Variants in CLNK observed in about 807,000 individuals in gnomAD.
CLNK encodes cytokine-dependent hematopoietic cell linker.
Under a neutral mutation model 68.6 loss-of-function variants are expected in CLNK, and 74 were observed. The ratio of observed to expected loss-of-function variants is 1.08; its 90% CI spans 0.89 to 1.31. The LOEUF (loss-of-function observed/expected upper bound fraction) is 1.31. CLNK is among the 50% of genes most tolerant of loss of function. CLNK has a pLI of 0.00. For missense variants in CLNK, 553 were observed against 515.3 expected (o/e 1.07, Z -0.71); for synonymous variants, 198 against 172.2 (o/e 1.15, Z -1.17).
Position 10,629,719 on chromosome 4 carries a change from C to G in CLNK, c.12-31670G>C, listed in dbSNP as rs115694872. On this transcript the variant is annotated intron_variant, in intron 2 of 18. Coordinates refer to ENST00000226951, the MANE Select transcript of CLNK (RefSeq NM_052964.4). The stretch of plus-strand genomic sequence containing the variant: ...TAGTTTTCAAGACAATGTCTTGCAA[C>G]TTATAGAGTTTGGGGGGAAGGCAGT... Among the ~76,000 whole-genome samples the G allele has an allele frequency of 1.7e-3, 259 of 151,858 alleles. 1 individual carries two copies. Among genetic ancestry groups the G allele is most frequent in the African/African-American group, 5.9e-3 (245 of 41,368 alleles).
At chr4:10,495,599 G>A (rs147345234) in intron 18 of CLNK, among the ~76,000 whole-genome samples, 2 of 152,166 alleles carry the variant, frequency 1.3e-5, no homozygotes, top group Non-Finnish European at 2.9e-5. Flanking sequence ...CCAGAATCTG[G>A]AATATGACCT....
At chr4:10,726,832 C>A in the CLNK span, among the ~76,000 whole-genome samples, 134 of 152,286 alleles carry the variant, frequency 8.8e-4, no homozygotes, top group Non-Finnish European at 4.6e-4. Context: ...GTGGGTATGA[C>A]AATGCCTGCT....
chr4:10,592,018 G>A (rs568275132), intron 3 of CLNK, among the ~76,000 whole-genome samples: 2 of 152,210 alleles, frequency 1.3e-5, no homozygotes, highest in South Asian at 4.1e-4. Context: ...CCTCTTGGCC[G>A]AGTGAGGCTC....
intron 14 of CLNK, chr4:10,523,860 A>G: frequency 3.4e-6 from 1 of 293,066 alleles, no homozygotes; most frequent in Non-Finnish European, 6.9e-6. Context: ...CCCCTTCTCT[A>G]CAAAGAGTAC....
intron 2 of CLNK, among the ~76,000 whole-genome samples, chr4:10,618,476 A>C (rs1722313519): frequency 1.3e-5 from 2 of 152,238 alleles, no homozygotes; most frequent in South Asian, 2.1e-4. Context: ...GAATTTACTA[A>C]AGAATCATTG....
chr4:10,600,801 A>G (rs1179621200), intron 2 of CLNK, among the ~76,000 whole-genome samples: 1 of 152,182 alleles, frequency 6.6e-6, no homozygotes, highest in African/African-American at 2.4e-5. Context: ...CCCTGCACTG[A>G]GTAGGAGCCC....
chr4:10,730,997 A>G, the CLNK span, among the ~76,000 whole-genome samples: 1 of 152,378 alleles, frequency 6.6e-6, no homozygotes, highest in South Asian at 2.1e-4. Flanking sequence ...ACATTGTGAT[A>G]CACGCATACA....
chr4:10,585,048 G>C, intron 3 of CLNK, 93 bp from the exon 4 acceptor site: 1 of 1,341,872 alleles, frequency 7.5e-7, no homozygotes, highest in Non-Finnish European at 1.1e-6. Context: ...AAACGTCATT[G>C]TACAAGTCAG....
intron 18 of CLNK, among the ~76,000 whole-genome samples, chr4:10,496,369 G>C (rs1030638640): frequency 6.6e-6 from 1 of 152,134 alleles, no homozygotes; most frequent in African/African-American, 2.4e-5. Context: ...CCTTTATCTT[G>C]TTTTAAAGAG....
At chr4:10,617,072 T>C (rs1434806251) in intron 2 of CLNK, among the ~76,000 whole-genome samples, 1 of 152,068 alleles carries the variant, frequency 6.6e-6, no homozygotes, top group Non-Finnish European at 1.5e-5. Flanking sequence ...AGTGTCTTAG[T>C]TGTACTGTGA....
chr4:10,663,861 C>T (rs553183636), intron 2 of CLNK, among the ~76,000 whole-genome samples: 3 of 152,106 alleles, frequency 2.0e-5, no homozygotes, highest in African/African-American at 7.2e-5. Context: ...GAGATTAGCA[C>T]CCTTATAAAA....
chr4:10,527,772 G>A (rs923571850), intron 13 of CLNK, among the ~76,000 whole-genome samples: 21 of 152,132 alleles, frequency 1.4e-4, no homozygotes, highest in Admixed American at 1.2e-3. Flanking sequence ...TTGGAGCAGG[G>A]GACTAGTTAT....
the CLNK span, among the ~76,000 whole-genome samples, chr4:10,708,518 C>A: frequency 6.6e-6 from 1 of 152,080 alleles, no homozygotes; most frequent in Non-Finnish European, 1.5e-5. Context: ...ATAGCATATA[C>A]AACAGCATGT....
intron 2 of CLNK, among the ~76,000 whole-genome samples, chr4:10,602,020 C>T (rs1721606148): frequency 1.3e-5 from 2 of 152,214 alleles, no homozygotes; most frequent in East Asian, 1.9e-4. Flanking sequence ...TCTGCTGAAA[C>T]AGAGCACATC....
At chr4:10,555,126 G>A (rs1719613521) in intron 8 of CLNK, among the ~76,000 whole-genome samples, 1 of 152,132 alleles carries the variant, frequency 6.6e-6, no homozygotes, top group Non-Finnish European at 1.5e-5. Context: ...TCTTTTGATG[G>A]CATTTTGTGG....
At chr4:10,662,764 A>G (rs1308029829) in intron 2 of CLNK, among the ~76,000 whole-genome samples, 2 of 152,244 alleles carry the variant, frequency 1.3e-5, no homozygotes, top group African/African-American at 4.8e-5. Flanking sequence ...AAACTAAGAC[A>G]ACTGTAGCAA....
intron 2 of CLNK, among the ~76,000 whole-genome samples, chr4:10,657,429 G>A (rs939386420): frequency 6.6e-6 from 1 of 152,124 alleles, no homozygotes; most frequent in African/African-American, 2.4e-5. Context: ...TGTTCTTTAT[G>A]CCTTATGCAT....
the CLNK span, among the ~76,000 whole-genome samples, chr4:10,695,117 C>G: frequency 6.6e-6 from 1 of 151,860 alleles, no homozygotes; most frequent in Non-Finnish European, 1.5e-5. Context: ...TTCTAGTAAG[C>G]ATGATAACTA....
At chr4:10,701,944 G>A in the CLNK span, among the ~76,000 whole-genome samples, 1 of 152,196 alleles carries the variant, frequency 6.6e-6, no homozygotes, top group African/African-American at 2.4e-5. Flanking sequence ...AGAGACAGCT[G>A]CCTATTCAGA....
Sources: allele counts gnomAD v4.1 joint callset (sites outside exome capture counted in the v4.1 genomes callset), GRCh38; gene constraint gnomAD v4.1.1; transcripts MANE v1.5; gene names NCBI Gene and HGNC (gene_info 2026-07-23, HGNC 2026-07-21).